SPIN1: variants seen among roughly 807,000 people sequenced by gnomAD.
The protein encoded by SPIN1 is spindlin-1.
Under a neutral mutation model 26.0 loss-of-function variants are expected in SPIN1, and 3 were observed. The ratio of observed to expected loss-of-function variants is 0.12; its 90% CI spans 0.05 to 0.30. SPIN1 has a LOEUF of 0.30. Ranked by LOEUF, SPIN1 falls within the 10% of genes least tolerant of loss-of-function variation. SPIN1 has a pLI of 1.00. For missense variants in SPIN1, 126 were observed against 333.4 expected (o/e 0.38, Z 4.84); for synonymous variants, 101 against 116.5 (o/e 0.87, Z 0.86).
intron 3 of SPIN1, among the ~76,000 whole-genome samples, chr9:88,455,966 C>T (rs1028209590): frequency 6.6e-6 from 1 of 152,210 alleles, no homozygotes; most frequent in East Asian, 1.9e-4. Context: ...AATTCTTTTT[C>T]ATGATTTTTA....
chr9:88,398,171 CCTGCCTCAGCCTCCCAAAGTG>C (rs376352814), intron 1 of SPIN1, among the ~76,000 whole-genome samples: 88 of 151,950 alleles, frequency 5.8e-4, no homozygotes, highest in African/African-American at 1.9e-3. Flanking sequence ...AAGCAGTGTA[CCTGCCTCAGCCTCCCAAAGTG>C]CTGCCTCAGC....
At chr9:88,449,584 AT>A (rs140023027) in intron 3 of SPIN1, among the ~76,000 whole-genome samples, 2,558 of 151,696 alleles carry the variant, frequency 0.017, 71 homozygotes, top group African/African-American at 0.059. Context: ...TTTTTCCCTA[AT>A]TTTTTTTTGT....
chr9:88,420,903 T>G (rs1827656167), intron 1 of SPIN1, among the ~76,000 whole-genome samples: 1 of 152,248 alleles, frequency 6.6e-6, no homozygotes, highest in Non-Finnish European at 1.5e-5. Flanking sequence ...TTTTCACAGT[T>G]CTTTGTTTCT....
chr9:88,460,160 G>C (rs567110827), intron 3 of SPIN1, among the ~76,000 whole-genome samples: 2 of 152,242 alleles, frequency 1.3e-5, no homozygotes, highest in Admixed American at 1.3e-4. Flanking sequence ...TCTCTTCTGT[G>C]AACTTTGATT....
intron 5 of SPIN1, among the ~76,000 whole-genome samples, chr9:88,472,471 T>G (rs1189461978): frequency 2.6e-5 from 4 of 151,970 alleles, no homozygotes; most frequent in African/African-American, 9.7e-5. Context: ...TGACCTCAGG[T>G]GAGCCGCCGC....
At chr9:88,424,726 T>C (rs1312698444) in intron 1 of SPIN1, among the ~76,000 whole-genome samples, 1 of 152,174 alleles carries the variant, frequency 6.6e-6, no homozygotes, top group Non-Finnish European at 1.5e-5. Flanking sequence ...ATTGCAGTTA[T>C]TGTTGATAAA....
chr9:88,444,691 C>CTTTTTT (rs1226379698), intron 2 of SPIN1, among the ~76,000 whole-genome samples: 68 of 123,032 alleles, frequency 5.5e-4, no homozygotes, highest in African/African-American at 1.1e-3. Context: ...CTTTTCTTTT[C>CTTTTTT]TTTTTTTTTT....
intron 2 of SPIN1, among the ~76,000 whole-genome samples, chr9:88,446,194 C>A (rs1828247548): frequency 6.6e-6 from 1 of 151,984 alleles, no homozygotes; most frequent in Admixed American, 6.6e-5. Flanking sequence ...ATTATTATAG[C>A]TTTTTAATTA....
chr9:88,411,207 G>T, intron 1 of SPIN1: 3 of 1,218,346 alleles, frequency 2.5e-6, no homozygotes, highest in Non-Finnish European at 3.6e-6. Context: ...GCTCTCTTTG[G>T]TTCCACAAGT....
intron 4 of SPIN1, among the ~76,000 whole-genome samples, chr9:88,462,969 T>A (rs1352734787): frequency 6.6e-6 from 1 of 152,136 alleles, no homozygotes; most frequent in Non-Finnish European, 1.5e-5. Flanking sequence ...CCCAAGAAGT[T>A]TGCCACGTAA....
chr9:88,421,625 C>G (rs536535178), intron 1 of SPIN1, among the ~76,000 whole-genome samples: 1 of 135,318 alleles, frequency 7.4e-6, no homozygotes, highest in Non-Finnish European at 1.6e-5. Flanking sequence ...CCCGCCCCAA[C>G]AAACCGTGTG....
At chr9:88,424,425 T>G (rs1200377571) in intron 1 of SPIN1, among the ~76,000 whole-genome samples, 1 of 152,092 alleles carries the variant, frequency 6.6e-6, no homozygotes, top group Non-Finnish European at 1.5e-5. Context: ...GGAAGGGATT[T>G]GGGTTAGGGT....
intron 1 of SPIN1, among the ~76,000 whole-genome samples, chr9:88,423,209 A>G (rs1474929158): frequency 6.6e-6 from 1 of 152,252 alleles, no homozygotes; most frequent in Non-Finnish European, 1.5e-5. Flanking sequence ...GAGGGTACAT[A>G]CTTCAGAATA....
chr9:88,421,514 C>G (rs1014858413), intron 1 of SPIN1, among the ~76,000 whole-genome samples: 4 of 152,092 alleles, frequency 2.6e-5, no homozygotes, highest in African/African-American at 9.7e-5. Context: ...CTCCTGGGCT[C>G]AAGTGATCTA....
Position 88,455,032 on chromosome 9 carries a change from C to T in SPIN1, c.101+6043C>T, listed in dbSNP as rs1321197129. ...CTTTTGGAAACAATAAAATTACATT[C>T]TGAAAGAATTGCTCTTGAATCACAA... On this transcript the variant is annotated intron_variant, in intron 3 of 5. Coordinates refer to ENST00000375859, the MANE Select transcript of SPIN1 (RefSeq NM_006717.3). Among the ~76,000 whole-genome samples the T allele has an allele frequency of 2.6e-5, 4 of 152,148 alleles. No individual in the cohort carries two copies. The East Asian group carries it at 7.7e-4, about 29-fold the overall frequency.
chr9:88,411,809 C>T (rs1019762710), intron 1 of SPIN1, among the ~76,000 whole-genome samples: 4 of 152,104 alleles, frequency 2.6e-5, no homozygotes, highest in African/African-American at 9.7e-5. Flanking sequence ...ACCACTGTGC[C>T]TGGCCTATTT....
rs1310406996 is a variant in SPIN1 at position 88,477,343 on chromosome 9, G to A, written c.*2066G>A. ...AAAGTACATTTTGAAGTATCTTGAG[G>A]GTTGGGTCAATTGAGACATTTCTAG... On this transcript the variant is annotated 3_prime_UTR_variant, in exon 6 of 6. Coordinates refer to ENST00000375859, the MANE Select transcript of SPIN1 (RefSeq NM_006717.3). 6.6e-6 allele frequency: 1 copy of A among 152,192 alleles called. No individual in the cohort carries two copies. The highest frequency in any genetic ancestry group is 2.4e-5 in the African/African-American group (1 of 41,446). 9.4% of individuals were successfully genotyped at this position (152,192 alleles called of 1,614,324 possible).
chr9:88,413,577 C>A (rs1827500988), intron 1 of SPIN1, among the ~76,000 whole-genome samples: 1 of 151,762 alleles, frequency 6.6e-6, no homozygotes, highest in African/African-American at 2.4e-5. Context: ...CAGGGTTTCA[C>A]CATTTTGGCC....
At chr9:88,434,513 A>G (rs1472863888) in intron 2 of SPIN1, among the ~76,000 whole-genome samples, 1 of 151,744 alleles carries the variant, frequency 6.6e-6, no homozygotes, top group African/African-American at 2.4e-5. Flanking sequence ...AAAGTCAGTG[A>G]TGGGTGATAT....
Sources: allele counts gnomAD v4.1 joint callset (sites outside exome capture counted in the v4.1 genomes callset), GRCh38; gene constraint gnomAD v4.1.1; transcripts MANE v1.5; gene names NCBI Gene and HGNC (gene_info 2026-07-23, HGNC 2026-07-21).